The following CLCA2 variants were observed in gnomAD, a reference collection of about 807,000 sequenced individuals.
The protein encoded by CLCA2 is chloride channel accessory 2, also known as calcium-activated chloride channel regulator 2.
In CLCA2, 85 loss-of-function variants were observed where a neutral mutation model predicts 82.9. That is an observed-to-expected ratio of 1.03 (90% CI 0.86 to 1.23). CLCA2 has a LOEUF of 1.23. CLCA2 is among the 50% of genes most tolerant of loss of function. The pLI is 0.00. For missense variants in CLCA2, 1,089 were observed against 1,124.8 expected, an observed-to-expected ratio of 0.97 and a Z score of 0.45; for synonymous variants, 421 against 391.7, an observed-to-expected ratio of 1.07 and a Z score of -0.88.
rs140117432 is a variant in CLCA2, at chr1:86,428,374, C to A, written c.325-44C>A. On this transcript the variant is annotated intron_variant, in intron 2 of 13. Coordinates refer to ENST00000370565, the MANE Select transcript of CLCA2 (RefSeq NM_006536.7). ...TGAATGTATACATTTATGTCACCAACAACAGAGCTGAGAAAGTATTACAAG... is the reference window on the plus strand; with the variant it reads ...TGAATGTATACATTTATGTCACCAAAAACAGAGCTGAGAAAGTATTACAAG... 290 of 1,541,536 alleles carry A rather than the reference C, an allele frequency of 1.9e-4. 4 individuals carry two copies. In the Middle Eastern group the frequency reaches 2.8e-3, roughly 15 times the overall value.
chr1:86,444,304 A>G (rs894939575), intron 10 of CLCA2, among the ~76,000 whole-genome samples: 1 of 152,222 alleles, frequency 6.6e-6, no homozygotes, highest in Non-Finnish European at 1.5e-5. Context: ...TAATCCATAC[A>G]AACACACTTT....
intron 3 of CLCA2, 132 bp downstream of exon 3, chr1:86,428,700 C>A: frequency 2.1e-6 from 2 of 940,622 alleles, no homozygotes; most frequent in Non-Finnish European, 3.1e-6. Context: ...GGAGATAGGT[C>A]ATATGCCCAT....
intron 10 of CLCA2, 47 bp from the exon 11 acceptor site, chr1:86,447,461 T>TA: frequency 3.2e-6 from 5 of 1,574,972 alleles, no homozygotes; most frequent in Non-Finnish European, 4.3e-6. Flanking sequence ...AAAATTAGGG[T>TA]TGATTTTTTT....
At chr1:86,441,415 A>G in intron 8 of CLCA2, 22 bp from the exon 9 acceptor site, 2 of 1,374,582 alleles carry the variant, frequency 1.5e-6, no homozygotes, top group Admixed American at 1.8e-5. Flanking sequence ...TTAATAGTGA[A>G]CACTCCTATC....
At chr1:86,441,755 A>G (rs1244434471) in intron 9 of CLCA2, among the ~76,000 whole-genome samples, 1 of 152,234 alleles carries the variant, frequency 6.6e-6, no homozygotes, top group Non-Finnish European at 1.5e-5. Flanking sequence ...TCAGCTTTTC[A>G]AAGTCTGCGA....
chr1:86,427,554 A>G (rs541801667), intron 2 of CLCA2, among the ~76,000 whole-genome samples: 1 of 151,686 alleles, frequency 6.6e-6, no homozygotes, highest in South Asian at 2.1e-4. Flanking sequence ...ACATACACAC[A>G]CACACACACA....
chr1:86,439,024 A>T lies in CLCA2; in HGVS notation c.1121A>T (p.Lys374Met). ...CAAATTAACAGCAATGATGATCGAA[A>T]GTTGCTGGTTTCATATCTGCCCACC... Reference protein sequence around the residue: ...LHQINSNDDRKLLVSYLPTTV... With the variant: ...LHQINSNDDRMLLVSYLPTTV... The change falls in exon 7 of 14, where the codon AAG becomes ATG. Residue 374 changes from lysine (K) to methionine (M), a missense_variant. By Grantham distance (95) the Lys-to-Met change is moderately conservative. Transcript: ENST00000370565. The T allele has an allele frequency of 6.2e-7, 1 of 1,614,152 alleles. No individual in the cohort carries two copies. The highest frequency in any genetic ancestry group is 8.5e-7 in the Non-Finnish European group (1 of 1,180,000).
chr1:86,455,361 C>A lies in CLCA2; in HGVS notation c.2666C>A (p.Pro889His). The change falls in exon 14 of 14, where the codon CCC becomes CAC. Residue 889 changes from proline to histidine, a missense_variant. Physicochemically the swap from Pro to His is moderately conservative, Grantham distance 77. Transcript: ENST00000370565. ...ATTGCCCAGGCGCCTCTGTTTATTC[C>A]CCCCAATTCTGATCCTGTACCTGCC... ...SNIAQAPLFI[P>H]PNSDPVPARD... The A allele has an allele frequency of 6.2e-7, 1 of 1,611,560 alleles. No individual in the cohort carries two copies. Among genetic ancestry groups the A allele is most frequent in the Admixed American group, 1.7e-5 (1 of 59,454 alleles).
chr1:86,428,681 C>A, intron 3 of CLCA2, 113 bp downstream of exon 3: 1 of 1,248,040 alleles, frequency 8.0e-7, no homozygotes, highest in Non-Finnish European at 1.1e-6. Context: ...GGACTTACCA[C>A]TCAAAGGGGG....
chr1:86,443,962 C>T lies in CLCA2; in HGVS notation c.1664C>T (p.Thr555Ile). 6.2e-7 allele frequency: 1 copy of T among 1,613,628 alleles called. No homozygotes were observed. Among genetic ancestry groups the T allele is most frequent in the Non-Finnish European group, 8.5e-7 (1 of 1,179,604 alleles). Residue 555 changes from threonine to isoleucine, a missense_variant, in exon 10 of 14, where the codon ACC (threonine) becomes ATC (isoleucine). By Grantham distance (89) the Thr-to-Ile change is moderately conservative. Coordinates refer to ENST00000370565, the MANE Select transcript of CLCA2 (RefSeq NM_006536.7). ...AAATACTACACAAATAATTTTATCA[C>T]CAATCTAACTTTTCGGACAGCTAGT... ...GRKYYTNNFITNLTFRTASLW... is the reference protein window; with the variant it reads ...GRKYYTNNFIINLTFRTASLW...
At chr1:86,432,653 C>G in intron 5 of CLCA2, 125 bp downstream of exon 5, 2 of 1,122,736 alleles carry the variant, frequency 1.8e-6, no homozygotes, top group Non-Finnish European at 2.5e-6. Flanking sequence ...TAGAGTTCAT[C>G]TAGTTTTTAT....
chr1:86,445,608 A>C (rs2101707789), intron 10 of CLCA2: 1 of 152,130 alleles, frequency 6.6e-6, no homozygotes, highest in African/African-American at 2.4e-5. Context: ...AAACTTCAGG[A>C]GGGAAGAATC....
intron 1 of CLCA2, among the ~76,000 whole-genome samples, chr1:86,424,737 C>A (rs1171110913): frequency 1.3e-5 from 2 of 152,096 alleles, no homozygotes; most frequent in African/African-American, 2.4e-5. Flanking sequence ...AAAATAACAA[C>A]CCATTGTGGC....
chr1:86,453,938 A>G (rs1000938128), intron 13 of CLCA2, among the ~76,000 whole-genome samples: 1 of 152,220 alleles, frequency 6.6e-6, no homozygotes, highest in Non-Finnish European at 1.5e-5. Context: ...AAAGTTGGGT[A>G]GTAAATATCT....
Position 86,434,502 on chromosome 1 carries a change from C to G in CLCA2, c.745-16C>G. On this transcript the variant is annotated splice_polypyrimidine_tract_variant and intron_variant, in intron 5 of 13. Coordinates refer to ENST00000370565, the MANE Select transcript of CLCA2 (RefSeq NM_006536.7). ...GAGAAGTGCCTCTCTTTATTAAAGACTGTTTTTATTTCCAGGTGGTTGAAT... is the reference window on the plus strand; with the variant it reads ...GAGAAGTGCCTCTCTTTATTAAAGAGTGTTTTTATTTCCAGGTGGTTGAAT... 6.2e-7 allele frequency: 1 copy of G among 1,605,318 alleles called. No individual in the cohort carries two copies. The highest frequency in any genetic ancestry group is 8.5e-7 in the Non-Finnish European group (1 of 1,172,184).
At chr1:86,448,029 C>A (rs534871601) in intron 11 of CLCA2, 4 of 495,186 alleles carry the variant, frequency 8.1e-6, no homozygotes, top group African/African-American at 1.9e-5. Context: ...CCGCTGGACA[C>A]CTTGGTCCTG....
At chr1:86,426,069 T>G (rs1005242617) in intron 2 of CLCA2, among the ~76,000 whole-genome samples, 1 of 152,090 alleles carries the variant, frequency 6.6e-6, no homozygotes, top group Non-Finnish European at 1.5e-5. Flanking sequence ...GAACTTCACC[T>G]TGAAAGGCTC....
intron 5 of CLCA2, 56 bp downstream of exon 5, chr1:86,432,584 T>G: frequency 6.4e-7 from 1 of 1,556,868 alleles, no homozygotes; most frequent in South Asian, 1.2e-5. Flanking sequence ...TTCCCATGTT[T>G]CAAGTATTTA....
intron 2 of CLCA2, among the ~76,000 whole-genome samples, chr1:86,427,543 TACATACAC>T: frequency 7.8e-6 from 1 of 128,354 alleles, no homozygotes; most frequent in South Asian, 2.6e-4. Flanking sequence ...TGGACACACA[TACATACAC>T]ACACACACAC....
Sources: allele counts gnomAD v4.1 joint callset (sites outside exome capture counted in the v4.1 genomes callset), GRCh38; gene constraint gnomAD v4.1.1; transcripts MANE v1.5; gene names NCBI Gene and HGNC (gene_info 2026-07-23, HGNC 2026-07-21).